NOL11: variants seen among roughly 807,000 people sequenced by gnomAD.
NOL11 encodes the protein nucleolar protein 11.
A neutral mutation model predicts 93.0 loss-of-function variants in NOL11; 42 were observed. The ratio of observed to expected loss-of-function variants is 0.45; its 90% confidence interval spans 0.35 to 0.58. The LOEUF is 0.58. Ranked by LOEUF, NOL11 falls within the 20% of genes least tolerant of loss-of-function variation. The probability of loss-of-function intolerance (pLI) is 0.00; values close to 1 mark genes in which losing one functional copy is unlikely to be tolerated. For missense variants in NOL11, 775 were observed against 841.8 expected (o/e 0.92, Z 0.98); for synonymous variants, 296 against 293.7 (o/e 1.01, Z -0.08).
chr17:67,720,270 C>A (rs2143075714), intron 3 of NOL11: 1 of 193,424 alleles, frequency 5.2e-6, no homozygotes, highest in African/African-American at 2.3e-5. Flanking sequence ...TAGAATAGAC[C>A]CTGCAAGTTT....
intron 7 of NOL11, among the ~76,000 whole-genome samples, 170 bp from the exon 8 acceptor site, chr17:67,734,193 C>G (rs1328746493): frequency 6.6e-6 from 1 of 152,124 alleles, no homozygotes. Flanking sequence ...TTCCAGGCTT[C>G]TTCTTACCAT....
intron 8 of NOL11, among the ~76,000 whole-genome samples, chr17:67,735,474 G>T (rs1371830178): frequency 4.0e-5 from 6 of 148,544 alleles, no homozygotes; most frequent in African/African-American, 1.2e-4. Flanking sequence ...TTATTTCCTT[G>T]TTCCCTCAGG....
intron 10 of NOL11, 150 bp from the exon 11 acceptor site, chr17:67,736,921 C>T: frequency 2.8e-6 from 2 of 721,580 alleles, no homozygotes; most frequent in Non-Finnish European, 4.6e-6. Context: ...TCCAGAAATG[C>T]CCCATGTTGT....
chr17:67,729,888 A>C (rs183877183), intron 7 of NOL11, among the ~76,000 whole-genome samples: 1 of 151,972 alleles, frequency 6.6e-6, no homozygotes, highest in East Asian at 1.9e-4. Context: ...CCATCATACA[A>C]TACTTTTTGT....
intron 7 of NOL11, among the ~76,000 whole-genome samples, chr17:67,730,515 C>A (rs949253471): frequency 1.3e-5 from 2 of 152,236 alleles, no homozygotes; most frequent in Non-Finnish European, 2.9e-5. Context: ...CCGCCTCAGC[C>A]TCCCGAAGTG....
At position 67,718,001 on chromosome 17, in the gene NOL11, G is replaced by A; in HGVS notation, c.54G>A (p.Gly18=). The A allele has an allele frequency of 6.2e-7, 1 of 1,614,258 alleles. No homozygotes were observed. Among genetic ancestry groups the A allele is most frequent in the Non-Finnish European group, 8.5e-7 (1 of 1,180,048 alleles). The change falls in exon 1 of 18, where the codon GGG becomes GGA. Residue 18 remains glycine, a synonymous_variant. Transcript: ENST00000253247. ...FTLSSVVLSA[G]PEGLLGVEQS... ...TGTCTTCGGTAGTCCTGAGCGCCGG[G>A]CCTGAAGGACTCCTAGGCGTGGAGC...
At chr17:67,718,289 CA>C (rs1364112753) in intron 1 of NOL11, among the ~76,000 whole-genome samples, 2 of 152,182 alleles carry the variant, frequency 1.3e-5, no homozygotes, top group African/African-American at 4.8e-5. Flanking sequence ...TTCCGACTTG[CA>C]GGGGCAGAGC....
intron 16 of NOL11, among the ~76,000 whole-genome samples, chr17:67,740,261 A>G (rs2055242997): frequency 6.6e-6 from 1 of 151,662 alleles, no homozygotes; most frequent in South Asian, 2.1e-4. Context: ...GGAATAAGAG[A>G]ATACAGATTA....
Position 67,743,976 on chromosome 17 carries a change from A to G in NOL11, c.*117A>G. 1.7e-6 allele frequency: 1 copy of G among 580,876 alleles called. No homozygotes were observed. The highest frequency in any genetic ancestry group is 3.0e-6 in the Non-Finnish European group (1 of 331,452). The allele number at this position is 580,876 out of a possible 1,614,324, so 36.0% of individuals were successfully genotyped here. A position where few individuals can be genotyped will look rare whatever the true frequency, so the allele number is the denominator to read the frequency against. On this transcript the variant is annotated 3_prime_UTR_variant, in exon 18 of 18. Transcript: ENST00000253247. Reference sequence around the variant, plus strand: ...ATCTCAGTGTCAAGAGAAACGTGTCAGTGAGTACCTGGACCATCACTTAAC... The same window carrying G: ...ATCTCAGTGTCAAGAGAAACGTGTCGGTGAGTACCTGGACCATCACTTAAC...
intron 16 of NOL11, among the ~76,000 whole-genome samples, chr17:67,742,817 A>G (rs2055268107): frequency 6.6e-6 from 1 of 152,240 alleles, no homozygotes; most frequent in Non-Finnish European, 1.5e-5. Flanking sequence ...ATTCTGGTTT[A>G]TGGCAACTCA....
chr17:67,737,775 A>G, intron 12 of NOL11, 72 bp from the exon 13 acceptor site: 3 of 1,579,452 alleles, frequency 1.9e-6, no homozygotes, highest in South Asian at 2.3e-5. Flanking sequence ...GAAACTCTCA[A>G]AAGGCTTATA....
In NOL11 at chr17:67,736,595, T is replaced by C. The variant is rs990000141; in HGVS notation, c.1055-71T>C. The stretch of plus-strand genomic sequence containing the variant: ...GTATGAGTGGTTTTTTTTAAATTGT[T>C]CTTTGATTGTTTAGTTGGGCAAAAA... On this transcript the variant is annotated intron_variant, in intron 9 of 17. Transcript: ENST00000253247. 3.2e-6 allele frequency: 3 copies of C among 928,978 alleles called. No individual in the cohort carries two copies. In the African/African-American group the frequency reaches 5.0e-5, roughly 16 times the overall value. 57.5% of individuals were successfully genotyped at this position (928,978 alleles called of 1,614,324 possible). A position where few individuals can be genotyped will look rare whatever the true frequency, so the allele number is the denominator to read the frequency against.
chr17:67,722,226 C>G (rs2043222139), intron 4 of NOL11, among the ~76,000 whole-genome samples: 1 of 152,152 alleles, frequency 6.6e-6, no homozygotes, highest in Non-Finnish European at 1.5e-5. Flanking sequence ...CCTCAGCTTC[C>G]TCTATATTGA....
intron 6 of NOL11, among the ~76,000 whole-genome samples, chr17:67,726,120 A>T (rs369135358): frequency 2.0e-5 from 3 of 152,176 alleles, no homozygotes; most frequent in Admixed American, 1.3e-4. Flanking sequence ...TAACGTATAG[A>T]CCAGATGCTA....
chr17:67,743,598 T>G lies in NOL11; in HGVS notation c.2043+12T>G. 1 of 1,476,168 alleles carries G rather than the reference T, an allele frequency of 6.8e-7. No homozygotes were observed. The highest frequency in any genetic ancestry group is 9.4e-7 in the Non-Finnish European group (1 of 1,061,500). The allele number at this position is 1,476,168 out of a possible 1,614,324, so 91.4% of individuals were successfully genotyped here. A position where few individuals can be genotyped will look rare whatever the true frequency, so the allele number is the denominator to read the frequency against. On this transcript the variant is annotated intron_variant, in intron 17 of 17. Coordinates refer to ENST00000253247, the MANE Select transcript of NOL11 (RefSeq NM_015462.5). ...TTGTAAAATCTCAGGTTTGTGATTATTTGATATATACTGATTTTATTTGTA... is the reference window on the plus strand; with the variant it reads ...TTGTAAAATCTCAGGTTTGTGATTAGTTGATATATACTGATTTTATTTGTA...
At chr17:67,729,844 G>A (rs2055135565) in intron 7 of NOL11, among the ~76,000 whole-genome samples, 1 of 152,148 alleles carries the variant, frequency 6.6e-6, no homozygotes. Context: ...CTCCCAAAGT[G>A]CCGGGATTAC....
chr17:67,736,293 A>G (rs62084163), intron 9 of NOL11, among the ~76,000 whole-genome samples: 1 of 146,466 alleles, frequency 6.8e-6, no homozygotes, highest in Admixed American at 6.9e-5. Context: ...CAGAAAATGG[A>G]AAACAAAAAA....
intron 7 of NOL11, among the ~76,000 whole-genome samples, chr17:67,731,637 G>A (rs572444915): frequency 2.1e-4 from 32 of 152,254 alleles, no homozygotes; most frequent in Admixed American, 8.5e-4. Flanking sequence ...TTATCCCCAC[G>A]TTTTCTTCAA....
chr17:67,737,243 T>C lies in NOL11; in HGVS notation c.1218+98T>C, dbSNP rs1054394114. 17 of 782,884 alleles carry C rather than the reference T, an allele frequency of 2.2e-5. No individual in the cohort carries two copies. In the African/African-American group the frequency reaches 2.8e-4, roughly 13 times the overall value. 48.5% of individuals were successfully genotyped at this position (782,884 alleles called of 1,614,324 possible). On this transcript the variant is annotated intron_variant, in intron 11 of 17. Coordinates refer to ENST00000253247, the MANE Select transcript of NOL11 (RefSeq NM_015462.5). ...TGTCTTATTTTTATGATCATCTTTA[T>C]ACCTATAGCTAACATCTTGTAGTAT...
Sources: gnomAD v4.1 joint callset for allele counts (sites outside exome capture counted in the v4.1 genomes callset) on GRCh38, gnomAD v4.1.1 for gene constraint, MANE v1.5 for transcripts, NCBI Gene and HGNC (gene_info 2026-07-23, HGNC 2026-07-21) for gene names.